CAB39L: variants seen among roughly 807,000 people sequenced by gnomAD.
CAB39L encodes the protein calcium binding protein 39 like, also known as calcium-binding protein 39-like.
A neutral mutation model predicts 39.1 loss-of-function variants in CAB39L; 23 were observed. That is an observed-to-expected ratio of 0.59 (90% CI 0.42 to 0.83). The LOEUF (loss-of-function observed/expected upper bound fraction) is 0.83, where lower values mean the gene tolerates loss of function less well. CAB39L is among the 40% of genes least tolerant of loss of function. The pLI is 0.00. For synonymous variants in CAB39L, 126 were observed against 137.2 expected, an observed-to-expected ratio of 0.92 and a Z score of 0.57; for missense variants, 366 against 391.9, an observed-to-expected ratio of 0.93 and a Z score of 0.56.
Position 49,349,913 on chromosome 13 carries a change from T to C in CAB39L, c.564+831A>G, listed in dbSNP as rs1017057648. ...GAAATCTCGAATGTAACATCACTCA[T>C]TAGATGACTAAGTTTTGGTATGTTT... is the stretch of plus-strand genomic sequence containing the variant. On this transcript the variant is annotated intron_variant, in intron 7 of 10. Coordinates refer to ENST00000409308, the MANE Select transcript of CAB39L (RefSeq NM_001079670.3). 1.2e-4 allele frequency among the ~76,000 whole-genome samples: 18 copies of C among 152,324 alleles called. No homozygotes were observed. The East Asian group carries it at 3.3e-3, about 28-fold the overall frequency.
At chr13:49,441,910 C>G (rs1404051477) in intron 1 of CAB39L, among the ~76,000 whole-genome samples, 1 of 152,082 alleles carries the variant, frequency 6.6e-6, no homozygotes, top group Non-Finnish European at 1.5e-5. Flanking sequence ...CTTGCCAGAT[C>G]ATGTGATAAG....
intron 1 of CAB39L, among the ~76,000 whole-genome samples, chr13:49,441,685 C>G (rs1052786815): frequency 6.6e-6 from 1 of 152,180 alleles, no homozygotes; most frequent in African/African-American, 2.4e-5. Flanking sequence ...AATAAAATCG[C>G]TATAAATATT....
At chr13:49,435,407 A>C (rs1325266681) in intron 1 of CAB39L, among the ~76,000 whole-genome samples, 1 of 152,168 alleles carries the variant, frequency 6.6e-6, no homozygotes, top group Non-Finnish European at 1.5e-5. Flanking sequence ...CTATTTCCCC[A>C]CAGTCTACAG....
At chr13:49,397,924 C>T (rs1859314759) in intron 3 of CAB39L, among the ~76,000 whole-genome samples, 1 of 152,164 alleles carries the variant, frequency 6.6e-6, no homozygotes, top group East Asian at 1.9e-4. Context: ...TAAGCACATA[C>T]ATATTACACA....
intron 3 of CAB39L, among the ~76,000 whole-genome samples, chr13:49,414,387 T>C (rs1471986556): frequency 6.6e-6 from 1 of 152,176 alleles, no homozygotes; most frequent in Non-Finnish European, 1.5e-5. Flanking sequence ...TTCATGCTTT[T>C]TAACATATCA....
intron 10 of CAB39L, among the ~76,000 whole-genome samples, chr13:49,317,375 T>C (rs777790599): frequency 1.3e-5 from 2 of 151,548 alleles, no homozygotes; most frequent in African/African-American, 2.4e-5. Context: ...ACAAAAAATA[T>C]AAAAATTAGC....
At chr13:49,422,645 C>T (rs1273577831) in intron 3 of CAB39L, among the ~76,000 whole-genome samples, 6 of 149,810 alleles carry the variant, frequency 4.0e-5, no homozygotes, top group Non-Finnish European at 7.4e-5. Context: ...GGATGAGTCT[C>T]ACTATGTCCC....
rs781274575 is a variant in CAB39L, at chr13:49,310,918, A to C, written c.910T>G (p.Phe304Val). 1.2e-6 allele frequency: 2 copies of C among 1,613,886 alleles called. No homozygotes were observed. Among genetic ancestry groups the C allele is most frequent in the Middle Eastern group, 1.7e-4 (1 of 6,058 alleles). ...CTTTCTTTTTGGAAGCTGCTCAGAA[A>C]CTCAATGAGTTTGGGCTGATTTTTT... ...LLKNQPKLIE[F>V]LSSFQKERTD... is the part of the protein sequence containing the mutation. The change falls in exon 11 of 11, where the codon TTT (phenylalanine) becomes GTT (valine). Residue 304 changes from phenylalanine (F) to valine (V), a missense_variant. Coordinates refer to ENST00000409308, the MANE Select transcript of CAB39L (RefSeq NM_001079670.3).
chr13:49,384,076 T>C (rs1956304237), intron 3 of CAB39L, among the ~76,000 whole-genome samples: 1 of 152,214 alleles, frequency 6.6e-6, no homozygotes, highest in South Asian at 2.1e-4. Context: ...TGTGATGCAG[T>C]TTGTTAGCAT....
intron 10 of CAB39L, among the ~76,000 whole-genome samples, chr13:49,322,136 C>T (rs915829711): frequency 2.0e-5 from 3 of 152,206 alleles, no homozygotes; most frequent in East Asian, 1.9e-4. Context: ...CATTAGCAGT[C>T]GCCCGCCCCC....
chr13:49,376,478 AC>A (rs1363724959), intron 5 of CAB39L, among the ~76,000 whole-genome samples: 1 of 152,262 alleles, frequency 6.6e-6, no homozygotes, highest in Non-Finnish European at 1.5e-5. Flanking sequence ...TAAGTATATT[AC>A]TAGCACTTAA....
At position 49,377,965 on chromosome 13, in the gene CAB39L, C is replaced by T. The variant is rs1387058529; in HGVS notation, c.112-834G>A. ...GAAGTGAGGAGCGTCTCTGCCCGGC[C>T]GCCCATCGTCTGAGATGTGGGGAGC... On this transcript the variant is annotated intron_variant, in intron 4 of 10. Coordinates refer to ENST00000409308, the MANE Select transcript of CAB39L (RefSeq NM_001079670.3). Among the ~76,000 whole-genome samples, 2 of 76,854 alleles carry T rather than the reference C, an allele frequency of 2.6e-5. 1 individual carries two copies. The highest frequency in any genetic ancestry group is 1.6e-4 in the African/African-American group (2 of 12,298). 50.4% of individuals were successfully genotyped at this position (76,854 alleles called of 152,430 possible).
intron 3 of CAB39L, among the ~76,000 whole-genome samples, chr13:49,425,118 A>G (rs1453134491): frequency 6.6e-6 from 1 of 152,120 alleles, no homozygotes; most frequent in Non-Finnish European, 1.5e-5. Context: ...ATGAATCTGA[A>G]TTAATATTTC....
chr13:49,426,616 G>A (rs1036492859), intron 3 of CAB39L, among the ~76,000 whole-genome samples: 1 of 152,040 alleles, frequency 6.6e-6, no homozygotes, highest in Non-Finnish European at 1.5e-5. Flanking sequence ...TAGTAGAGAC[G>A]GGGTTTCACC....
intron 8 of CAB39L, 112 bp from the exon 9 acceptor site, chr13:49,339,854 A>T: frequency 8.1e-7 from 1 of 1,235,550 alleles, no homozygotes; most frequent in Non-Finnish European, 1.0e-6. Context: ...CCATTTTACC[A>T]TCCTTCTTTA....
intron 3 of CAB39L, among the ~76,000 whole-genome samples, chr13:49,428,284 T>TC (rs1407041941): frequency 6.6e-6 from 1 of 152,230 alleles, no homozygotes; most frequent in Non-Finnish European, 1.5e-5. Flanking sequence ...CTGGAAGGAC[T>TC]ACTGGCTACT....
chr13:49,410,034 A>C (rs1336956259), intron 3 of CAB39L, among the ~76,000 whole-genome samples: 1 of 152,188 alleles, frequency 6.6e-6, no homozygotes, highest in African/African-American at 2.4e-5. Context: ...TTCCACTTAT[A>C]TCTAAACAAT....
chr13:49,394,252 C>T (rs923998290), intron 3 of CAB39L, among the ~76,000 whole-genome samples: 1 of 151,750 alleles, frequency 6.6e-6, no homozygotes, highest in African/African-American at 2.4e-5. Flanking sequence ...TAAGTGAAAA[C>T]CATAAATGAG....
chr13:49,335,044 C>A (rs1303801734), intron 9 of CAB39L, among the ~76,000 whole-genome samples: 1 of 152,200 alleles, frequency 6.6e-6, no homozygotes, highest in Non-Finnish European at 1.5e-5. Flanking sequence ...ATAGTATTAT[C>A]TTCCTAGATG....
Sources: allele counts gnomAD v4.1 joint callset (sites outside exome capture counted in the v4.1 genomes callset), GRCh38; gene constraint gnomAD v4.1.1; transcripts MANE v1.5; gene names NCBI Gene and HGNC (gene_info 2026-07-23, HGNC 2026-07-21).